The following RAP1GAP variants were observed in gnomAD, a reference collection of about 807,000 sequenced individuals.
RAP1GAP encodes the protein RAP1 GTPase activating protein.
In RAP1GAP, 35 loss-of-function variants were observed where a neutral mutation model predicts 87.2. The ratio of observed to expected loss-of-function variants is 0.40; its 90% CI spans 0.31 to 0.53. RAP1GAP has a LOEUF of 0.53. RAP1GAP is among the 20% of genes least tolerant of loss of function. The probability of loss-of-function intolerance (pLI) is 0.48; values close to 1 mark genes in which losing one functional copy is unlikely to be tolerated. For missense variants in RAP1GAP, 734 were observed against 898.9 expected, an observed-to-expected ratio of 0.82 and a Z score of 2.35; for synonymous variants, 375 against 363.9, an observed-to-expected ratio of 1.03 and a Z score of -0.35.
chr1:21,651,927 C>T, intron 1 of RAP1GAP: 1 of 927,012 alleles, frequency 1.1e-6, no homozygotes, highest in Non-Finnish European at 1.3e-6. Flanking sequence ...CCCGCCCCAG[C>T]TCGGATACGT....
At chr1:21,608,585 CCCACCCCCCAGGT>C (rs1558651433) in intron 16 of RAP1GAP, among the ~76,000 whole-genome samples, 1 of 150,800 alleles carries the variant, frequency 6.6e-6, no homozygotes, top group Non-Finnish European at 1.5e-5. Context: ...GCTTCATGTC[CCCACCCCCCAGGT>C]CCACCCCCCC....
intron 7 of RAP1GAP, among the ~76,000 whole-genome samples, chr1:21,616,190 C>CACACATAT (rs758719299): frequency 7.3e-6 from 1 of 136,470 alleles, no homozygotes; most frequent in Non-Finnish European, 1.6e-5. Flanking sequence ...CACACACACA[C>CACACATAT]ATACAATGAC....
At chr1:21,616,541 C>G (rs1231093534) in intron 7 of RAP1GAP, among the ~76,000 whole-genome samples, 1 of 152,226 alleles carries the variant, frequency 6.6e-6, no homozygotes, top group Non-Finnish European at 1.5e-5. Context: ...TGCCACGAGG[C>G]TCCAGAGCCC....
At chr1:21,636,337 G>A (rs1196453573) in intron 2 of RAP1GAP, among the ~76,000 whole-genome samples, 1 of 152,198 alleles carries the variant, frequency 6.6e-6, no homozygotes, top group Non-Finnish European at 1.5e-5. Flanking sequence ...GACCTCTGAG[G>A]GTTAAATGAG....
At position 21,649,916 on chromosome 1, in the gene RAP1GAP, T is replaced by C. The variant is rs1027968218; in HGVS notation, c.-148-120A>G. ...CAGAGGGGCTGGAGAAGGTCCTGTTTCTAAGGATGCCTGATGCAGTCACTA... is the reference window on the plus strand; with the variant it reads ...CAGAGGGGCTGGAGAAGGTCCTGTTCCTAAGGATGCCTGATGCAGTCACTA... On this transcript the variant is annotated intron_variant, in intron 1 of 24. Coordinates refer to ENST00000374765, the MANE Select transcript of RAP1GAP (RefSeq NM_002885.4). 4.2e-5 allele frequency: 43 copies of C among 1,023,586 alleles called. 1 individual carries two copies. The highest frequency in any genetic ancestry group is 2.0e-4 in the Middle Eastern group (1 of 4,884). The allele number at this position is 1,023,586 out of a possible 1,614,324, so 63.4% of individuals were successfully genotyped here. A position where few individuals can be genotyped will look rare whatever the true frequency, so the allele number is the denominator to read the frequency against.
chr1:21,635,457 G>T (rs2094533723), intron 2 of RAP1GAP, among the ~76,000 whole-genome samples: 1 of 152,128 alleles, frequency 6.6e-6, no homozygotes, highest in African/African-American at 2.4e-5. Flanking sequence ...AATGGTGCTG[G>T]GTGCTGGGAT....
chr1:21,617,599 T>G (rs2149673252), intron 6 of RAP1GAP, 108 bp from the exon 7 acceptor site: 1 of 1,298,236 alleles, frequency 7.7e-7, no homozygotes, highest in African/African-American at 1.5e-5. Context: ...CTAAGGGGTA[T>G]GAGGGGACAG....
Position 21,622,919 on chromosome 1 carries a change from C to T in RAP1GAP, c.-18-2869G>A, listed in dbSNP as rs1052075152. The stretch of plus-strand genomic sequence containing the variant: ...GCATGTGTCGTAATCTCGTCACAGC[C>T]CAGGAGGTACAAATGTCATCTCCAT... On this transcript the variant is annotated intron_variant, in intron 3 of 24. Transcript: ENST00000374765. This position sits in a 1 kb window ranked among gnomAD's most constrained non-coding sequence, Gnocchi z 5.7. 2.6e-5 allele frequency: 4 copies of T among 152,208 alleles called. No individual in the cohort carries two copies. Among genetic ancestry groups the T allele is most frequent in the Non-Finnish European group, 5.9e-5 (4 of 68,060 alleles). The allele number at this position is 152,208 out of a possible 1,614,324, so 9.4% of individuals were successfully genotyped here. A position where few individuals can be genotyped will look rare whatever the true frequency, so the allele number is the denominator to read the frequency against.
rs558482735 is a variant in RAP1GAP, at chr1:21,611,641, G to A, written c.714-60C>T. 133 of 1,613,678 alleles carry A rather than the reference G, an allele frequency of 8.2e-5. No individual in the cohort carries two copies. In the African/African-American group the frequency reaches 1.5e-3, roughly 18 times the overall value. On this transcript the variant is annotated intron_variant, in intron 12 of 24. Coordinates refer to ENST00000374765, the MANE Select transcript of RAP1GAP (RefSeq NM_002885.4). ...CCAGCCCTGGCCAGGCCTCCATGGG[G>A]CCAGGACAGGGGCTCCCTCCCTGCC...
intron 2 of RAP1GAP, among the ~76,000 whole-genome samples, chr1:21,635,977 C>T (rs1157840179): frequency 6.6e-6 from 1 of 152,238 alleles, no homozygotes; most frequent in African/African-American, 2.4e-5. Flanking sequence ...TGAAGGAGGG[C>T]TTTCCCAGTG....
At position 21,613,373 on chromosome 1, in the gene RAP1GAP, C is replaced by T; in HGVS notation, c.475-144G>A. ...AAGCAGGACTCGGGGTTCACTGTTGCTCAGGGAACGGAGGTCCCCTGAGAT... is the reference window on the plus strand; with the variant it reads ...AAGCAGGACTCGGGGTTCACTGTTGTTCAGGGAACGGAGGTCCCCTGAGAT... On this transcript the variant is annotated intron_variant, in intron 9 of 24. Coordinates refer to ENST00000374765, the MANE Select transcript of RAP1GAP (RefSeq NM_002885.4). This position sits in a 1 kb window ranked among gnomAD's most constrained non-coding sequence, Gnocchi z 4.7. 1 of 829,646 alleles carries T rather than the reference C, an allele frequency of 1.2e-6. No homozygotes were observed. The highest frequency in any genetic ancestry group is 2.0e-6 in the Non-Finnish European group (1 of 495,998). 51.4% of individuals were successfully genotyped at this position (829,646 alleles called of 1,614,324 possible). A position where few individuals can be genotyped will look rare whatever the true frequency, so the allele number is the denominator to read the frequency against.
Position 21,612,063 on chromosome 1 carries a change from T to C in RAP1GAP, c.575A>G (p.Asn192Ser). Reference protein sequence around the residue: ...VTFDEHVISNNFKFGVIYQKL... With the variant: ...VTFDEHVISNSFKFGVIYQKL... ...CTGATAAATGACGCCAAACTTGAAG[T>C]TATTGCTGATGACATGCTCGTCAAA... The change falls in exon 11 of 25, where the codon AAC becomes AGC. Residue 192 changes from asparagine to serine, a missense_variant. Asn to Ser is a conservative substitution (Grantham distance 46). Around this residue, in one of 2 missense-constraint regions of RAP1GAP, gnomAD observed 485 missense variants for 646.2 expected, o/e 0.75. Transcript: ENST00000374765. The C allele has an allele frequency of 6.4e-7, 1 of 1,554,610 alleles. No homozygotes were observed. The highest frequency in any genetic ancestry group is 8.7e-7 in the Non-Finnish European group (1 of 1,148,408).
At chr1:21,620,165 G>A in intron 3 of RAP1GAP, 115 bp from the exon 4 acceptor site, 2 of 1,085,542 alleles carry the variant, frequency 1.8e-6, no homozygotes, top group Non-Finnish European at 1.4e-6. Flanking sequence ...CGAGGCACCT[G>A]TCTGAGTAGC....
At chr1:21,619,916 C>T (rs1388002957) in intron 4 of RAP1GAP, 99 bp downstream of exon 4, 7 of 1,329,696 alleles carry the variant, frequency 5.3e-6, no homozygotes, top group Non-Finnish European at 7.5e-6. Flanking sequence ...CGTGGCCTGT[C>T]CTCAGGGAGG....
rs1036643047 is a variant in RAP1GAP, at chr1:21,596,870, A to C, written c.*429T>G. ...CTCCCAACCCAGTGCTCACTCCCCC[A>C]CATATCACATCCTCCTTGTGCTGCC... On this transcript the variant is annotated 3_prime_UTR_variant, in exon 25 of 25. Coordinates refer to ENST00000374765, the MANE Select transcript of RAP1GAP (RefSeq NM_002885.4). 9 of 152,396 alleles carry C rather than the reference A, an allele frequency of 5.9e-5. No individual in the cohort carries two copies. Among genetic ancestry groups the C allele is most frequent in the Non-Finnish European group, 1.3e-4 (9 of 68,194 alleles). 9.4% of individuals were successfully genotyped at this position (152,396 alleles called of 1,614,324 possible).
chr1:21,598,284 G>A (rs1289640654), intron 22 of RAP1GAP, 116 bp downstream of exon 22: 1 of 1,011,188 alleles, frequency 9.9e-7, no homozygotes, highest in Non-Finnish European at 1.5e-6. Flanking sequence ...TGTCCTCCAA[G>A]TCAGGGGCAG....
rs112049462 is a variant in RAP1GAP, at chr1:21,614,057, G to A, written c.324C>T (p.Ala108=). The A allele has an allele frequency of 1.5e-3, 2,341 of 1,611,854 alleles. 42 individuals carry two copies. In the African/African-American group the frequency reaches 0.027, roughly 19 times the overall value. Residue 108 remains alanine, a synonymous_variant, in exon 8 of 25, where the codon GCC becomes GCT. Coordinates refer to ENST00000374765, the MANE Select transcript of RAP1GAP (RefSeq NM_002885.4). The part of the protein sequence containing the change: ...EHFNYYSLDA[A]LGHLVFSLKY... ...TGAGTGAGAAGACAAGGTGGCCGAGGGCAGCGTCCAGTGAGTAGTAATTGA... is the reference window on the plus strand; with the variant it reads ...TGAGTGAGAAGACAAGGTGGCCGAGAGCAGCGTCCAGTGAGTAGTAATTGA...
chr1:21,599,801 G>A lies in RAP1GAP; in HGVS notation c.1653-184C>T, dbSNP rs1006516101. Reference sequence around the variant, plus strand: ...CTCCCCCTGCAGCCTCCTCCTACCCGCATTGTCCTTCCTAATCCATAAATC... The same window carrying A: ...CTCCCCCTGCAGCCTCCTCCTACCCACATTGTCCTTCCTAATCCATAAATC... On this transcript the variant is annotated intron_variant, in intron 20 of 24. Transcript: ENST00000374765. 2.6e-5 allele frequency among the ~76,000 whole-genome samples: 4 copies of A among 151,992 alleles called. No individual in the cohort carries two copies. In the East Asian group the frequency reaches 7.7e-4, roughly 29 times the overall value.
At chr1:21,661,260 A>AAG (rs2097145208) in intron 1 of RAP1GAP, among the ~76,000 whole-genome samples, 2 of 151,826 alleles carry the variant, frequency 1.3e-5, no homozygotes, top group East Asian at 3.9e-4. Context: ...TCCAAAAAAA[A>AAG]AAAAAAAGGA....
Sources: allele counts gnomAD v4.1 joint callset (sites outside exome capture counted in the v4.1 genomes callset), GRCh38; gene constraint gnomAD v4.1.1; regional missense constraint gnomAD v4.1.1; non-coding constraint Gnocchi (gnomAD v3.1); transcripts MANE v1.5; gene names NCBI Gene and HGNC (gene_info 2026-07-23, HGNC 2026-07-21).